PHTF2: variants seen among roughly 807,000 people sequenced by gnomAD.
PHTF2 encodes the protein putative homeodomain transcription factor 2.
In PHTF2, 60 loss-of-function variants were observed where a neutral mutation model predicts 101.2. The ratio of observed to expected loss-of-function variants is 0.59; its 90% CI spans 0.48 to 0.73. The LOEUF (loss-of-function observed/expected upper bound fraction) is 0.73, where lower values mean the gene tolerates loss of function less well. PHTF2 is among the 30% of genes least tolerant of loss of function. PHTF2 has a pLI of 0.00. For synonymous variants in PHTF2, 311 were observed against 307.3 expected, an observed-to-expected ratio of 1.01 and a Z score of -0.13; for missense variants, 747 against 908.7, an observed-to-expected ratio of 0.82 and a Z score of 2.29.
intron 1 of PHTF2, among the ~76,000 whole-genome samples, chr7:77,824,386 T>G (rs556088264): frequency 1.1e-4 from 16 of 152,156 alleles, no homozygotes; most frequent in Non-Finnish European, 2.1e-4. Context: ...TCCCTTTACT[T>G]CCTTTTGTTA....
At chr7:77,837,166 G>A (rs1237431493) in intron 1 of PHTF2, among the ~76,000 whole-genome samples, 1 of 151,960 alleles carries the variant, frequency 6.6e-6, no homozygotes, top group African/African-American at 2.4e-5. Context: ...CAGATCAGTT[G>A]ATCAAAAAAG....
chr7:77,825,430 C>T (rs888283398), intron 1 of PHTF2, among the ~76,000 whole-genome samples: 6 of 152,066 alleles, frequency 3.9e-5, no homozygotes, highest in Admixed American at 2.0e-4. Flanking sequence ...CCCTACATAC[C>T]AGCGCTGAGC....
intron 5 of PHTF2, among the ~76,000 whole-genome samples, chr7:77,897,293 A>ATTTTTTT (rs10687152): frequency 7.5e-6 from 1 of 133,716 alleles, no homozygotes; most frequent in Non-Finnish European, 1.6e-5. Flanking sequence ...AGCCCATTTC[A>ATTTTTTT]TTTTTTTTTT....
intron 5 of PHTF2, among the ~76,000 whole-genome samples, chr7:77,900,192 G>A (rs1196195231): frequency 6.6e-6 from 1 of 152,148 alleles, no homozygotes; most frequent in Non-Finnish European, 1.5e-5. Flanking sequence ...TGAACATAAT[G>A]GCAACCATCA....
intron 1 of PHTF2, among the ~76,000 whole-genome samples, chr7:77,824,177 A>G (rs1396831355): frequency 6.6e-6 from 1 of 152,054 alleles, no homozygotes; most frequent in Non-Finnish European, 1.5e-5. Context: ...GGAGGAAACA[A>G]GAAAGATTCT....
intron 3 of PHTF2, among the ~76,000 whole-genome samples, chr7:77,890,026 C>T (rs1734149920): frequency 6.7e-6 from 1 of 149,436 alleles, no homozygotes; most frequent in African/African-American, 2.5e-5. Context: ...AGACGCGCCC[C>T]CCCCCACCAC....
intron 1 of PHTF2, among the ~76,000 whole-genome samples, chr7:77,823,725 T>C (rs1443071591): frequency 6.6e-6 from 1 of 151,828 alleles, no homozygotes; most frequent in Non-Finnish European, 1.5e-5. Flanking sequence ...GTAGCTAGAA[T>C]GTAAGGTATG....
intron 1 of PHTF2, among the ~76,000 whole-genome samples, chr7:77,818,743 G>A (rs1012971576): frequency 1.3e-5 from 2 of 152,146 alleles, no homozygotes; most frequent in African/African-American, 4.8e-5. Flanking sequence ...GGCTTTTGTA[G>A]TTCCATATGT....
chr7:77,888,407 C>T (rs369629201), intron 3 of PHTF2, among the ~76,000 whole-genome samples: 59 of 152,254 alleles, frequency 3.9e-4, no homozygotes, highest in Middle Eastern at 3.4e-3. Context: ...TGAGCCGCTG[C>T]GCCCGGCCTA....
chr7:77,914,974 C>T (rs1334431774), intron 9 of PHTF2, among the ~76,000 whole-genome samples: 1 of 149,736 alleles, frequency 6.7e-6, no homozygotes, highest in South Asian at 2.1e-4. Context: ...TGCAGTGGCA[C>T]GATCTCGGCT....
At chr7:77,883,789 T>G (rs190225836) in intron 3 of PHTF2, among the ~76,000 whole-genome samples, 134 of 152,334 alleles carry the variant, frequency 8.8e-4, no homozygotes, top group Admixed American at 1.9e-3. Context: ...ATTGAATCTT[T>G]TGTCTCTCTG....
intron 1 of PHTF2, among the ~76,000 whole-genome samples, chr7:77,802,913 T>G (rs1792671089): frequency 6.6e-6 from 1 of 152,190 alleles, no homozygotes; most frequent in Non-Finnish European, 1.5e-5. Flanking sequence ...TACCAAACCA[T>G]AAATACGTTA....
intron 18 of PHTF2, among the ~76,000 whole-genome samples, chr7:77,952,414 G>C (rs1309208688): frequency 1.3e-5 from 2 of 152,154 alleles, no homozygotes; most frequent in Non-Finnish European, 2.9e-5. Context: ...ATTGGGTATA[G>C]ACTATGCACC....
intron 3 of PHTF2, among the ~76,000 whole-genome samples, chr7:77,872,547 T>G (rs1293960352): frequency 1.3e-5 from 2 of 152,230 alleles, no homozygotes; most frequent in African/African-American, 4.8e-5. Context: ...ACCTTGCCTT[T>G]GATGGTTGAT....
At chr7:77,829,249 T>C (rs1218002718) in intron 1 of PHTF2, among the ~76,000 whole-genome samples, 1 of 152,212 alleles carries the variant, frequency 6.6e-6, no homozygotes, top group Non-Finnish European at 1.5e-5. Flanking sequence ...TTTTATTTAG[T>C]ACGGGTATAG....
chr7:77,851,358 G>A (rs1796744026), intron 2 of PHTF2, among the ~76,000 whole-genome samples: 1 of 152,006 alleles, frequency 6.6e-6, no homozygotes, highest in Non-Finnish European at 1.5e-5. Flanking sequence ...TTAGGAATTT[G>A]TCCATTTCTT....
intron 3 of PHTF2, among the ~76,000 whole-genome samples, chr7:77,885,422 A>G (rs922254284): frequency 2.0e-5 from 3 of 151,826 alleles, no homozygotes; most frequent in East Asian, 1.9e-4. Flanking sequence ...ACATTCTGTA[A>G]TCTCTTGCCT....
intron 15 of PHTF2, among the ~76,000 whole-genome samples, chr7:77,942,279 A>G (rs370416163): frequency 7.2e-5 from 11 of 152,276 alleles, no homozygotes; most frequent in South Asian, 6.2e-4. Context: ...TTTATCACAT[A>G]TATCTGTGAT....
At chr7:77,934,956 AAAAAAAG>A (rs1051268091) in intron 12 of PHTF2, among the ~76,000 whole-genome samples, 1 of 152,076 alleles carries the variant, frequency 6.6e-6, no homozygotes, top group Non-Finnish European at 1.5e-5. Flanking sequence ...AGTCTCAAAA[AAAAAAAG>A]AAAAAAGAAA....
Sources: gnomAD v4.1 joint callset for allele counts (sites outside exome capture counted in the v4.1 genomes callset) on GRCh38, gnomAD v4.1.1 for gene constraint, MANE v1.5 for transcripts, NCBI Gene and HGNC (gene_info 2026-07-23, HGNC 2026-07-21) for gene names.